The following SEC16B variants were observed in gnomAD, a reference collection of about 807,000 sequenced individuals.
The protein encoded by SEC16B is SEC16 homolog B, endoplasmic reticulum export factor, also known as protein transport protein Sec16B.
Under a neutral mutation model 141.8 loss-of-function variants are expected in SEC16B, and 115 were observed. That is an observed-to-expected ratio of 0.81 (90% CI 0.70 to 0.95). The LOEUF (loss-of-function observed/expected upper bound fraction) is 0.95, where lower values mean the gene tolerates loss of function less well. SEC16B is among the 40% of genes least tolerant of loss of function. SEC16B has a pLI of 0.00. For synonymous variants in SEC16B, 493 were observed against 492.5 expected, an observed-to-expected ratio of 1.00 and a Z score of -0.01; for missense variants, 1,291 against 1,312.3, an observed-to-expected ratio of 0.98 and a Z score of 0.25.
At chr1:177,959,272 C>G (rs1652881050) in intron 8 of SEC16B, 1 of 396,726 alleles carries the variant, frequency 2.5e-6, no homozygotes, top group African/African-American at 2.0e-5. Context: ...GTCAGACAAC[C>G]CTGGATCTAA....
chr1:177,967,837 A>T lies in SEC16B; in HGVS notation c.145T>A (p.Trp49Arg). 2 of 1,613,890 alleles carry T rather than the reference A, an allele frequency of 1.2e-6. No homozygotes were observed. Among genetic ancestry groups the T allele is most frequent in the Non-Finnish European group, 1.7e-6 (2 of 1,179,872 alleles). The change falls in exon 2 of 26, where the codon TGG (tryptophan) becomes AGG (arginine). Residue 49 changes from tryptophan to arginine, a missense_variant. Trp to Arg is a moderately radical substitution (Grantham distance 101, BLOSUM62 -3). This residue lies in a region of SEC16B where 681 missense variants were observed against 675.5 expected (regional missense o/e 1.01). Transcript: ENST00000308284. Reference protein sequence around the residue: ...SWHNGERFHQWQDNRGSPQPQ... With the variant: ...SWHNGERFHQRQDNRGSPQPQ... ...TGGGGGCTCCCACGGTTGTCTTGCC[A>T]TTGGTGAAACCTCTCTCCATTGTGC... is the stretch of plus-strand genomic sequence containing the variant.
chr1:177,944,267 C>A (rs10913468), intron 15 of SEC16B, among the ~76,000 whole-genome samples: 1 of 151,938 alleles, frequency 6.6e-6, no homozygotes, highest in Non-Finnish European at 1.5e-5. Context: ...GGAGAAGGAG[C>A]TGACAGCAGG....
At position 177,967,820 on chromosome 1, in the gene SEC16B, C is replaced by G; in HGVS notation, c.162G>C (p.Gly54=). The change falls in exon 2 of 26, where the codon GGG becomes GGC. Residue 54 remains glycine (G), a synonymous_variant. Transcript: ENST00000308284. ...ERFHQWQDNR[G]SPQPQQEPRA... ...TGGGCTCCTGCTGTGGCTGGGGGCT[C>G]CCACGGTTGTCTTGCCATTGGTGAA... 6.2e-7 allele frequency: 1 copy of G among 1,613,972 alleles called. No individual in the cohort carries two copies. The highest frequency in any genetic ancestry group is 8.5e-7 in the Non-Finnish European group (1 of 1,179,886).
chr1:177,946,889 T>G (rs61816277), intron 13 of SEC16B, among the ~76,000 whole-genome samples: 7,008 of 152,130 alleles, frequency 0.046, 194 homozygotes, highest in South Asian at 0.1. Flanking sequence ...CTACTGAGAG[T>G]GGTCGTTCTT....
At chr1:177,948,366 A>T in intron 12 of SEC16B, 1 of 1,305,300 alleles carries the variant, frequency 7.7e-7, no homozygotes, top group Admixed American at 2.3e-5. Context: ...AGTCGGGGGA[A>T]CACGGGCCTG....
At chr1:177,982,228 T>C (rs111880540) in intron 1 of SEC16B, among the ~76,000 whole-genome samples, 8,290 of 152,216 alleles carry the variant, frequency 0.054, 296 homozygotes, top group African/African-American at 0.088. Flanking sequence ...TGTTTGCTCA[T>C]TGGCTGGTTT....
intron 5 of SEC16B, among the ~76,000 whole-genome samples, chr1:177,962,312 T>C (rs781564656): frequency 3.9e-5 from 6 of 151,940 alleles, no homozygotes; most frequent in African/African-American, 9.7e-5. Flanking sequence ...CATTATGATC[T>C]GCCCACCTCA....
At chr1:177,967,155 T>A (rs1214359355) in intron 2 of SEC16B, among the ~76,000 whole-genome samples, 1 of 152,190 alleles carries the variant, frequency 6.6e-6, no homozygotes, top group Non-Finnish European at 1.5e-5. Flanking sequence ...GAGGTCAATT[T>A]TTTTTAAGTT....
intron 5 of SEC16B, among the ~76,000 whole-genome samples, chr1:177,962,835 AGTGGCTCAC>A (rs1284826237): frequency 6.8e-6 from 1 of 147,388 alleles, no homozygotes; most frequent in East Asian, 2.1e-4. Flanking sequence ...GGCCAAGCGC[AGTGGCTCAC>A]ACCTGTAATC....
upstream of SEC16B, chr1:177,970,362 C>A (rs1326819857): frequency 6.6e-6 from 1 of 152,212 alleles, no homozygotes; most frequent in African/African-American, 2.4e-5. Context: ...GTTTCAGTTT[C>A]TTTTTCTTTA....
At chr1:177,934,608 T>A (rs2101902294) in intron 20 of SEC16B, among the ~76,000 whole-genome samples, 1 of 152,350 alleles carries the variant, frequency 6.6e-6, no homozygotes, top group Middle Eastern at 3.4e-3. Context: ...GCTATTATTA[T>A]CTCATTTTAT....
intron 1 of SEC16B, among the ~76,000 whole-genome samples, chr1:177,968,999 G>C (rs1653767235): frequency 6.6e-6 from 1 of 152,148 alleles, no homozygotes; most frequent in African/African-American, 2.4e-5. Flanking sequence ...GGGTAGCGGG[G>C]GACAGGGGTT....
chr1:177,930,429 A>T, intron 25 of SEC16B, 116 bp downstream of exon 25: 4 of 691,322 alleles, frequency 5.8e-6, no homozygotes, highest in Non-Finnish European at 9.9e-6. Flanking sequence ...TGGAGAGGCT[A>T]AATAATTGCT....
intron 2 of SEC16B, 76 bp from the exon 3 acceptor site, chr1:177,966,081 A>G: frequency 1.2e-6 from 1 of 862,906 alleles, no homozygotes. Context: ...AACTTGACAA[A>G]CTAAACAGGT....
intron 10 of SEC16B, among the ~76,000 whole-genome samples, chr1:177,956,439 T>C (rs1273159216): frequency 2.0e-5 from 3 of 152,116 alleles, no homozygotes; most frequent in Non-Finnish European, 4.4e-5. Context: ...AGCATGCTAT[T>C]TTTTAGAAAA....
intron 1 of SEC16B, among the ~76,000 whole-genome samples, chr1:177,982,382 G>A (rs1029750113): frequency 4.6e-5 from 7 of 152,182 alleles, no homozygotes; most frequent in Admixed American, 3.3e-4. Flanking sequence ...GGAGGCTTAT[G>A]GGGATAAGTA....
intron 4 of SEC16B, 57 bp downstream of exon 4, chr1:177,964,990 C>T (rs1013448286): frequency 3.3e-5 from 53 of 1,593,946 alleles, no homozygotes; most frequent in South Asian, 1.1e-4. Flanking sequence ...AAGATTTGCC[C>T]GACATAGTCT....
chr1:177,947,973 A>T, intron 12 of SEC16B, 31 bp from the exon 13 acceptor site: 2 of 1,426,448 alleles, frequency 1.4e-6, no homozygotes, highest in Non-Finnish European at 1.9e-6. Context: ...TAAATGTACA[A>T]TCATTTAAGA....
intron 11 of SEC16B, among the ~76,000 whole-genome samples, chr1:177,952,924 C>G (rs1652316152): frequency 6.6e-6 from 1 of 151,796 alleles, no homozygotes; most frequent in Non-Finnish European, 1.5e-5. Flanking sequence ...TCATGAGACT[C>G]AACTAGGCCA....
Sources: gnomAD v4.1 joint callset for allele counts (sites outside exome capture counted in the v4.1 genomes callset) on GRCh38, gnomAD v4.1.1 for gene constraint, gnomAD v4.1.1 regional missense constraint, MANE v1.5 for transcripts, NCBI Gene and HGNC (gene_info 2026-07-23, HGNC 2026-07-21) for gene names.